The following RANBP9 variants were observed in gnomAD, a reference collection of about 807,000 sequenced individuals.
RANBP9 encodes ran-binding protein 9.
RANBP9 carries 15 observed loss-of-function variants against 84.3 expected under a neutral mutation model. That is an observed-to-expected ratio of 0.18 (90% CI 0.12 to 0.27). RANBP9 has a LOEUF of 0.27. Among genes scored for constraint, RANBP9 ranks in the 10% least tolerant of loss-of-function variants. RANBP9 has a pLI of 1.00. For synonymous variants in RANBP9, 392 were observed against 349.6 expected (o/e 1.12, Z -1.35); for missense variants, 809 against 912.8 (o/e 0.89, Z 1.46).
chr6:13,685,352 T>C (rs1346626536), intron 2 of RANBP9, among the ~76,000 whole-genome samples: 3 of 152,174 alleles, frequency 2.0e-5, no homozygotes, highest in Admixed American at 2.0e-4. Flanking sequence ...ATGCTTATAA[T>C]TATGTAAGAA....
intron 2 of RANBP9, among the ~76,000 whole-genome samples, chr6:13,680,082 G>C (rs926399346): frequency 3.6e-4 from 54 of 152,090 alleles, no homozygotes; most frequent in African/African-American, 1.3e-3. Context: ...AGTTAGTCAA[G>C]TGTTACAGAT....
chr6:13,694,874 C>T (rs907577943), intron 2 of RANBP9, among the ~76,000 whole-genome samples: 5 of 152,112 alleles, frequency 3.3e-5, no homozygotes, highest in African/African-American at 1.2e-4. Context: ...GTACTATCTG[C>T]AGTTTCAAGC....
At chr6:13,633,877 A>G (rs1052949368) in intron 11 of RANBP9, among the ~76,000 whole-genome samples, 13 of 152,172 alleles carry the variant, frequency 8.5e-5, no homozygotes, top group Admixed American at 2.6e-4. Flanking sequence ...TTACTACTTA[A>G]GTTGTCTACA....
chr6:13,696,469 T>C (rs1757829430), intron 2 of RANBP9, among the ~76,000 whole-genome samples: 1 of 152,214 alleles, frequency 6.6e-6, no homozygotes, highest in African/African-American at 2.4e-5. Context: ...AGGATTTAAC[T>C]TCTTAGCAGA....
intron 4 of RANBP9, among the ~76,000 whole-genome samples, chr6:13,655,910 C>A (rs191289792): frequency 2.9e-4 from 44 of 152,258 alleles, no homozygotes; most frequent in Middle Eastern, 3.4e-3. Context: ...AAACCACACA[C>A]AAATATACAT....
intron 10 of RANBP9, among the ~76,000 whole-genome samples, chr6:13,635,985 A>G (rs375151682): frequency 1.3e-5 from 2 of 152,184 alleles, no homozygotes; most frequent in East Asian, 3.9e-4. Flanking sequence ...TATATTACAG[A>G]GTAATTATGA....
At chr6:13,667,753 C>G (rs1027498789) in intron 2 of RANBP9, among the ~76,000 whole-genome samples, 1 of 152,126 alleles carries the variant, frequency 6.6e-6, no homozygotes, top group Admixed American at 6.5e-5. Context: ...GTTTAATAAG[C>G]CATGTGGTAT....
At chr6:13,659,257 TACACACACACAC>T (rs60255234) in intron 2 of RANBP9, among the ~76,000 whole-genome samples, 36 of 130,664 alleles carry the variant, frequency 2.8e-4, no homozygotes, top group South Asian at 7.5e-4. Flanking sequence ...CACACACACA[TACACACACACAC>T]ACACACACAC....
chr6:13,665,489 C>T (rs918562239), intron 2 of RANBP9, among the ~76,000 whole-genome samples: 1 of 152,236 alleles, frequency 6.6e-6, no homozygotes, highest in Admixed American at 6.5e-5. Context: ...CCAACAAGAT[C>T]AGTGTTGCCA....
At chr6:13,628,111 CAAT>C (rs1176550307) in intron 12 of RANBP9, among the ~76,000 whole-genome samples, 5 of 152,172 alleles carry the variant, frequency 3.3e-5, no homozygotes, top group African/African-American at 7.2e-5. Context: ...TTAATCCTTA[CAAT>C]AATCATCTAA....
At chr6:13,658,214 T>A (rs913538508) in intron 3 of RANBP9, among the ~76,000 whole-genome samples, 4 of 152,128 alleles carry the variant, frequency 2.6e-5, no homozygotes, top group African/African-American at 7.2e-5. Flanking sequence ...AAGTAGCTGA[T>A]ATTACTATGT....
intron 8 of RANBP9, 40 bp from the exon 9 acceptor site, chr6:13,639,793 A>C: frequency 1.3e-6 from 2 of 1,498,858 alleles, no homozygotes; most frequent in Admixed American, 3.7e-5. Context: ...CACAATCTTC[A>C]AATGGCCTTT....
At chr6:13,653,679 C>T (rs1052395920) in intron 4 of RANBP9, among the ~76,000 whole-genome samples, 1 of 151,998 alleles carries the variant, frequency 6.6e-6, no homozygotes, top group Non-Finnish European at 1.5e-5. Flanking sequence ...AAACATCTAA[C>T]TCTATTTATT....
chr6:13,657,591 C>G (rs1359870704), intron 3 of RANBP9, among the ~76,000 whole-genome samples: 1 of 152,132 alleles, frequency 6.6e-6, no homozygotes, highest in African/African-American at 2.4e-5. Flanking sequence ...TTTGCTAATA[C>G]ACCAAAATAA....
rs73358361 is a variant in RANBP9, at chr6:13,676,442, C to T, written c.684-17610G>A. On this transcript the variant is annotated intron_variant, in intron 2 of 13. Coordinates refer to ENST00000011619, the MANE Select transcript of RANBP9 (RefSeq NM_005493.3). ...AAAATACACTCAGAGGGTACACTTT[C>T]TAAGTCATTCTGAGTCTAGCATTAC... Among the ~76,000 whole-genome samples, 802 of 152,156 alleles carry T rather than the reference C, an allele frequency of 5.3e-3. 4 individuals carry two copies. The highest frequency in any genetic ancestry group is 0.018 in the African/African-American group (764 of 41,542).
chr6:13,703,020 G>T (rs1364844459), intron 1 of RANBP9, among the ~76,000 whole-genome samples: 2 of 152,148 alleles, frequency 1.3e-5, no homozygotes, highest in East Asian at 3.8e-4. Flanking sequence ...GGGAAGGTGG[G>T]GAGGCTGTTT....
chr6:13,646,532 T>C (rs1486985687), intron 5 of RANBP9, among the ~76,000 whole-genome samples: 1 of 152,212 alleles, frequency 6.6e-6, no homozygotes. Flanking sequence ...ATTCTGTTCA[T>C]TAAGCAGTTT....
At chr6:13,623,200 T>C (rs1347580251) in intron 13 of RANBP9, among the ~76,000 whole-genome samples, 2 of 152,060 alleles carry the variant, frequency 1.3e-5, no homozygotes, top group Admixed American at 1.3e-4. Context: ...TGGAAAAAAA[T>C]GAACTAATGG....
intron 2 of RANBP9, among the ~76,000 whole-genome samples, chr6:13,680,457 G>A (rs895150302): frequency 6.6e-6 from 1 of 152,076 alleles, no homozygotes; most frequent in African/African-American, 2.4e-5. Flanking sequence ...AAAAAACATG[G>A]CTGGGTACAG....
Sources: allele counts gnomAD v4.1 joint callset (sites outside exome capture counted in the v4.1 genomes callset), GRCh38; gene constraint gnomAD v4.1.1; transcripts MANE v1.5; gene names NCBI Gene and HGNC (gene_info 2026-07-23, HGNC 2026-07-21).